Variants in PPARGC1A observed in about 807,000 individuals in gnomAD.
PPARGC1A encodes the protein peroxisome proliferator-activated receptor gamma coactivator 1-alpha.
Under a neutral mutation model 88.7 loss-of-function variants are expected in PPARGC1A, and 25 were observed. The observed-to-expected ratio is 0.28, with a 90% CI of 0.21 to 0.39. PPARGC1A has a LOEUF of 0.39. Ranked by LOEUF, PPARGC1A falls within the 10% of genes least tolerant of loss-of-function variation. The pLI, the probability that PPARGC1A is intolerant of heterozygous loss-of-function variation, is 1.00. For missense variants in PPARGC1A, 880 were observed against 968.7 expected (o/e 0.91, Z 1.22); for synonymous variants, 363 against 355.6 (o/e 1.02, Z -0.24).
At chr4:24,186,551 TTAAC>T in the PPARGC1A span, among the ~76,000 whole-genome samples, 2 of 152,152 alleles carry the variant, frequency 1.3e-5, no homozygotes, top group Non-Finnish European at 2.9e-5. Flanking sequence ...GTTGGGATAA[TTAAC>T]TGAGTATGAA....
the PPARGC1A span, among the ~76,000 whole-genome samples, chr4:24,246,631 TTTAA>T: frequency 2.6e-5 from 4 of 152,142 alleles, no homozygotes; most frequent in South Asian, 2.1e-4. Flanking sequence ...AATTAATGAA[TTTAA>T]TTAAATAAAT....
the PPARGC1A span, among the ~76,000 whole-genome samples, chr4:24,277,622 A>T: frequency 1.3e-5 from 2 of 152,328 alleles, no homozygotes; most frequent in Admixed American, 1.3e-4. Context: ...CATGAAATAC[A>T]ATCCAGGGAC....
chr4:24,408,243 C>T, the PPARGC1A span, among the ~76,000 whole-genome samples: 92 of 149,986 alleles, frequency 6.1e-4, no homozygotes, highest in Non-Finnish European at 8.7e-4. Context: ...TGCTTCAACA[C>T]GTAGATTTCA....
intron 2 of PPARGC1A, among the ~76,000 whole-genome samples, chr4:23,850,304 A>G (rs1278521169): frequency 6.6e-6 from 1 of 152,154 alleles, no homozygotes; most frequent in Non-Finnish European, 1.5e-5. Context: ...CATCTTTGGG[A>G]GCTGTCGCTA....
At chr4:24,157,106 A>T in the PPARGC1A span, among the ~76,000 whole-genome samples, 1 of 152,192 alleles carries the variant, frequency 6.6e-6, no homozygotes, top group East Asian at 1.9e-4. Context: ...TTCAAATCCC[A>T]GCAATATTAC....
the PPARGC1A span, among the ~76,000 whole-genome samples, chr4:24,053,049 T>G: frequency 1.3e-5 from 2 of 151,226 alleles, no homozygotes; most frequent in African/African-American, 4.9e-5. Flanking sequence ...TTTTTGTATT[T>G]TTTAGTAGAG....
chr4:24,230,048 C>T, the PPARGC1A span, among the ~76,000 whole-genome samples: 10 of 152,246 alleles, frequency 6.6e-5, no homozygotes, highest in African/African-American at 1.9e-4. Context: ...CTCATTCCAC[C>T]CTGCTCCATT....
At chr4:24,272,820 C>G in the PPARGC1A span, among the ~76,000 whole-genome samples, 4 of 152,212 alleles carry the variant, frequency 2.6e-5, no homozygotes, top group Non-Finnish European at 4.4e-5. Context: ...TAAGCAAAGA[C>G]TCTTCATTAA....
chr4:24,170,861 C>G, the PPARGC1A span, among the ~76,000 whole-genome samples: 4 of 152,194 alleles, frequency 2.6e-5, no homozygotes, highest in African/African-American at 9.6e-5. Flanking sequence ...AAGGCATATT[C>G]CAAAGGCGTC....
the PPARGC1A span, among the ~76,000 whole-genome samples, chr4:24,457,199 G>A: frequency 1.3e-5 from 2 of 152,158 alleles, no homozygotes; most frequent in Admixed American, 1.3e-4. Flanking sequence ...CAAATGAATA[G>A]TCACTCCCCC....
chr4:23,816,559 T>C (rs1338118516), intron 7 of PPARGC1A, among the ~76,000 whole-genome samples: 1 of 152,100 alleles, frequency 6.6e-6, no homozygotes, highest in African/African-American at 2.4e-5. Context: ...AAAAGCACAT[T>C]CTCAAATATT....
At chr4:24,437,875 C>T in the PPARGC1A span, among the ~76,000 whole-genome samples, 1 of 152,056 alleles carries the variant, frequency 6.6e-6, no homozygotes, top group South Asian at 2.1e-4. Context: ...AGGGGTTTCA[C>T]CATGTTGGCC....
intron 2 of PPARGC1A, among the ~76,000 whole-genome samples, chr4:23,869,037 A>T (rs1712686410): frequency 6.6e-6 from 1 of 152,184 alleles, no homozygotes; most frequent in Non-Finnish European, 1.5e-5. Flanking sequence ...CCAGCCTTGC[A>T]CACAGCCTGG....
the PPARGC1A span, among the ~76,000 whole-genome samples, chr4:24,051,447 A>C: frequency 6.6e-6 from 1 of 152,240 alleles, no homozygotes; most frequent in South Asian, 2.1e-4. Flanking sequence ...CTTTACACTA[A>C]AGGCTTTATC....
chr4:24,244,996 G>A, the PPARGC1A span, among the ~76,000 whole-genome samples: 1 of 152,006 alleles, frequency 6.6e-6, no homozygotes, highest in African/African-American at 2.4e-5. Context: ...AAAGAAGGAT[G>A]GAGAAAGAAC....
At chr4:24,340,575 A>T in the PPARGC1A span, among the ~76,000 whole-genome samples, 1 of 152,116 alleles carries the variant, frequency 6.6e-6, no homozygotes, top group Non-Finnish European at 1.5e-5. Flanking sequence ...CTTTTTTTTT[A>T]ATGTCCATAA....
At chr4:24,284,690 C>T in the PPARGC1A span, among the ~76,000 whole-genome samples, 3 of 152,200 alleles carry the variant, frequency 2.0e-5, no homozygotes, top group Non-Finnish European at 4.4e-5. Context: ...CAATATGTCT[C>T]TGCCCTGAAG....
At chr4:24,138,960 G>A in the PPARGC1A span, among the ~76,000 whole-genome samples, 1 of 152,008 alleles carries the variant, frequency 6.6e-6, no homozygotes, top group Non-Finnish European at 1.5e-5. Context: ...TTATGTTTTG[G>A]GCGAGATAGT....
At chr4:24,194,014 A>C in the PPARGC1A span, among the ~76,000 whole-genome samples, 4 of 151,966 alleles carry the variant, frequency 2.6e-5, no homozygotes, top group African/African-American at 9.7e-5. Context: ...CTATAATCCC[A>C]GCTACTCAGG....
Sources: gnomAD v4.1 joint callset for allele counts (sites outside exome capture counted in the v4.1 genomes callset) on GRCh38, gnomAD v4.1.1 for gene constraint, MANE v1.5 for transcripts, NCBI Gene and HGNC (gene_info 2026-07-23, HGNC 2026-07-21) for gene names.